The following GABRB1 variants were observed in gnomAD, a reference collection of about 807,000 sequenced individuals.
The protein encoded by GABRB1 is gamma-aminobutyric acid type A receptor subunit beta1.
Under a neutral mutation model 51.6 loss-of-function variants are expected in GABRB1, and 17 were observed. The ratio of observed to expected loss-of-function variants is 0.33; its 90% confidence interval spans 0.23 to 0.49. GABRB1 has a LOEUF of 0.49. Ranked by LOEUF, GABRB1 falls within the 20% of genes least tolerant of loss-of-function variation. The probability of loss-of-function intolerance (pLI) is 0.99; values close to 1 mark genes in which losing one functional copy is unlikely to be tolerated. For missense variants in GABRB1, 410 were observed against 600.6 expected (o/e 0.68, Z 3.32); for synonymous variants, 247 against 218.9 (o/e 1.13, Z -1.14).
At chr4:47,095,792 T>C (rs1477668356) in intron 3 of GABRB1, among the ~76,000 whole-genome samples, 1 of 152,222 alleles carries the variant, frequency 6.6e-6, no homozygotes, top group Non-Finnish European at 1.5e-5. Flanking sequence ...ATTTCAAATA[T>C]CAATCACTTG....
At chr4:47,360,353 T>C (rs992741637) in intron 5 of GABRB1, among the ~76,000 whole-genome samples, 1 of 151,920 alleles carries the variant, frequency 6.6e-6, no homozygotes, top group African/African-American at 2.4e-5. Flanking sequence ...GTGCTGCAAC[T>C]CAGAGTTTTT....
At chr4:47,048,218 C>T (rs1243107370) in intron 3 of GABRB1, among the ~76,000 whole-genome samples, 1 of 152,120 alleles carries the variant, frequency 6.6e-6, no homozygotes, top group African/African-American at 2.4e-5. Context: ...GTCATAACCA[C>T]ACATTCAGAG....
intron 4 of GABRB1, among the ~76,000 whole-genome samples, chr4:47,192,688 G>A (rs953332769): frequency 4.6e-5 from 7 of 152,164 alleles, no homozygotes; most frequent in Non-Finnish European, 8.8e-5. Flanking sequence ...CCCACAAACA[G>A]AATAGATCTG....
intron 5 of GABRB1, among the ~76,000 whole-genome samples, chr4:47,366,610 C>A (rs4694845): frequency 0.53 from 80,301 of 151,734 alleles, 21,740 homozygotes; most frequent in African/African-American, 0.59. Flanking sequence ...GTATTAGGAG[C>A]ATAGCATAAG....
chr4:47,015,624 C>A (rs1406949128), intron 1 of GABRB1, among the ~76,000 whole-genome samples: 2 of 151,938 alleles, frequency 1.3e-5, no homozygotes, highest in East Asian at 1.9e-4. Flanking sequence ...AAAAATGACA[C>A]CAAATGGTTT....
At chr4:47,171,244 G>A (rs555570690) in intron 4 of GABRB1, among the ~76,000 whole-genome samples, 10 of 151,100 alleles carry the variant, frequency 6.6e-5, no homozygotes, top group South Asian at 2.1e-4. Flanking sequence ...TGTATGTCTC[G>A]TGGAAGAATA....
rs140364723 is a variant in GABRB1, at chr4:47,050,180, A to G, written c.240+17696A>G. On this transcript the variant is annotated intron_variant, in intron 3 of 8. Transcript: ENST00000295454. ...TTCAGAATTTTATTGCCTTTGCTTC[A>G]AAGGTGTTACTAAGTTATTGGGGTG... is the stretch of plus-strand genomic sequence containing the variant. Among the ~76,000 whole-genome samples, 778 of 152,280 alleles carry G rather than the reference A, an allele frequency of 5.1e-3. 3 individuals are homozygous for G. Among genetic ancestry groups the G allele is most frequent in the African/African-American group, 0.018 (731 of 41,562 alleles).
chr4:47,160,752 TATTA>T (rs972206793), intron 3 of GABRB1, among the ~76,000 whole-genome samples: 1 of 75,262 alleles, frequency 1.3e-5, no homozygotes, highest in Non-Finnish European at 2.6e-5. Flanking sequence ...CTAGTACTTT[TATTA>T]TTTATTTATT....
chr4:47,287,669 C>T (rs573293726), intron 4 of GABRB1, among the ~76,000 whole-genome samples: 1 of 152,328 alleles, frequency 6.6e-6, no homozygotes, highest in South Asian at 2.1e-4. Flanking sequence ...GGACTTACTT[C>T]ATATGGATAG....
rs915478144 is a variant in GABRB1 at position 47,224,314 on chromosome 4, T to A, written c.461+62845T>A. Among the ~76,000 whole-genome samples, 6 of 151,362 alleles carry A rather than the reference T, an allele frequency of 4.0e-5. 1 individual carries two copies. The highest frequency in any genetic ancestry group is 1.4e-4 in the African/African-American group (6 of 41,478). On this transcript the variant is annotated intron_variant, in intron 4 of 8. Coordinates refer to ENST00000295454, the MANE Select transcript of GABRB1 (RefSeq NM_000812.4). Reference sequence around the variant, plus strand: ...CTGCTTATTAAAATATATATATATATAAAATCTGGCATTTTTTAAAACAGT... The same window carrying A: ...CTGCTTATTAAAATATATATATATAAAAAATCTGGCATTTTTTAAAACAGT...
chr4:47,351,388 T>C (rs1363742368), intron 5 of GABRB1, among the ~76,000 whole-genome samples: 1 of 152,186 alleles, frequency 6.6e-6, no homozygotes, highest in Non-Finnish European at 1.5e-5. Flanking sequence ...TTGTTTTTAA[T>C]TTCACCATAG....
chr4:47,350,218 TAGAGAG>T (rs59905765), intron 5 of GABRB1, among the ~76,000 whole-genome samples: 73 of 56,650 alleles, frequency 1.3e-3, no homozygotes, highest in South Asian at 2.6e-3. Context: ...TATATATATA[TAGAGAG>T]AGAGAGAGAG....
chr4:47,370,891 CT>C (rs2110018581), intron 5 of GABRB1, among the ~76,000 whole-genome samples: 1 of 151,826 alleles, frequency 6.6e-6, no homozygotes, highest in Non-Finnish European at 1.5e-5. Context: ...AATTGCCACT[CT>C]GTGTGAAGCA....
intron 4 of GABRB1, among the ~76,000 whole-genome samples, chr4:47,203,998 T>C (rs970026724): frequency 2.0e-5 from 3 of 152,164 alleles, no homozygotes; most frequent in Admixed American, 6.6e-5. Context: ...AATTTCTCCG[T>C]GCTTTGCACT....
chr4:47,376,817 G>C (rs1381435482), intron 5 of GABRB1, among the ~76,000 whole-genome samples: 1 of 152,176 alleles, frequency 6.6e-6, no homozygotes, highest in Non-Finnish European at 1.5e-5. Context: ...CTCAACCCCA[G>C]TGAGTCATGT....
At chr4:47,037,672 T>C (rs773586375) in intron 3 of GABRB1, among the ~76,000 whole-genome samples, 7 of 152,042 alleles carry the variant, frequency 4.6e-5, no homozygotes, top group South Asian at 2.1e-4. Flanking sequence ...CTGGGTATTA[T>C]AGTGTGAAAT....
At position 47,019,974 on chromosome 4, in the gene GABRB1, C is replaced by T. The variant is rs533949127; in HGVS notation, c.-19-11940C>T. ...TATATGTATATATATTTTGTAGAGA[C>T]AGGGTTTCACCATGTTGCCTAGGCT... On this transcript the variant is annotated intron_variant, in intron 1 of 3. Transcript: ENST00000513567. 5.5e-5 allele frequency among the ~76,000 whole-genome samples: 8 copies of T among 145,174 alleles called. No homozygotes were observed. In the South Asian group the frequency reaches 1.7e-3, roughly 31 times the overall value.
intron 5 of GABRB1, among the ~76,000 whole-genome samples, chr4:47,339,380 T>G (rs905020772): frequency 6.6e-6 from 1 of 152,130 alleles, no homozygotes; most frequent in Non-Finnish European, 1.5e-5. Flanking sequence ...AGCAAGAAAC[T>G]CAACAATTCT....
At chr4:47,033,527 A>G (rs1299659769) in intron 3 of GABRB1, among the ~76,000 whole-genome samples, 1 of 152,214 alleles carries the variant, frequency 6.6e-6, no homozygotes, top group African/African-American at 2.4e-5. Flanking sequence ...ATGGCGGCAG[A>G]AATTTATAAA....
Sources: gnomAD v4.1 joint callset for allele counts (sites outside exome capture counted in the v4.1 genomes callset) on GRCh38, gnomAD v4.1.1 for gene constraint, MANE v1.5 for transcripts, NCBI Gene and HGNC (gene_info 2026-07-23, HGNC 2026-07-21) for gene names.